Variants in MLIP observed in about 807,000 individuals in gnomAD.
MLIP encodes muscular LMNA-interacting protein.
MLIP carries 79 observed loss-of-function variants against 84.8 expected under a neutral mutation model. The observed-to-expected ratio is 0.93, with a 90% confidence interval of 0.78 to 1.12. MLIP has a LOEUF of 1.12. Ranked by LOEUF, MLIP falls within the 50% of genes most tolerant of loss-of-function variation. The pLI, the probability that MLIP is intolerant of heterozygous loss-of-function variation, is 0.00. For synonymous variants in MLIP, 504 were observed against 463.0 expected (o/e 1.09, Z -1.14); for missense variants, 1,257 against 1,160.6 (o/e 1.08, Z -1.21).
At chr6:54,113,899 C>T (rs1769686937) in intron 1 of MLIP, among the ~76,000 whole-genome samples, 1 of 152,120 alleles carries the variant, frequency 6.6e-6, no homozygotes, top group African/African-American at 2.4e-5. Context: ...CTACTCTCAC[C>T]AGTACCCTTA....
At chr6:54,130,226 A>G in intron 3 of MLIP, among the ~76,000 whole-genome samples, 1 of 152,134 alleles carries the variant, frequency 6.6e-6, no homozygotes, top group East Asian at 1.9e-4. Flanking sequence ...TTAACCAGGT[A>G]CAAAGGAAGA....
At chr6:54,201,652 T>A (rs569971820) in intron 10 of MLIP, among the ~76,000 whole-genome samples, 1 of 152,316 alleles carries the variant, frequency 6.6e-6, no homozygotes, top group South Asian at 2.1e-4. Flanking sequence ...GAACATGGCA[T>A]CTGGGGGCCC....
intron 4 of MLIP, 103 bp downstream of exon 4, chr6:54,138,389 C>T (rs1772009989): frequency 2.3e-6 from 3 of 1,324,240 alleles, no homozygotes; most frequent in South Asian, 1.6e-5. Context: ...TAATTGTACT[C>T]CTACAAGGAG....
intron 8 of MLIP, among the ~76,000 whole-genome samples, chr6:54,165,260 CT>C (rs1203173283): frequency 2.0e-5 from 3 of 151,916 alleles, no homozygotes. Context: ...CCTCTCCACC[CT>C]GGTGACCCTG....
chr6:54,115,009 A>AGAATGTGG (rs1272572362), intron 1 of MLIP, among the ~76,000 whole-genome samples: 1 of 152,158 alleles, frequency 6.6e-6, no homozygotes, highest in African/African-American at 2.4e-5. Context: ...GCTCCAAGTG[A>AGAATGTGG]GAATGTGGGA....
rs545992427 is a variant in MLIP at position 54,068,260 on chromosome 6, C to T, written c.63+49169C>T. ...TAAGCAATTCTCCTGCCTCAGCCTC[C>T]TGAGTAGCTGGGATTACAGGAACCG... On this transcript the variant is annotated intron_variant, in intron 1 of 12. Coordinates refer to the MLIP transcript ENST00000274897. Among the ~76,000 whole-genome samples the T allele has an allele frequency of 4.1e-5, 4 of 96,616 alleles. 1 individual carries two copies. The highest frequency in any genetic ancestry group is 8.9e-5 in the Non-Finnish European group (3 of 33,694). The allele number at this position is 96,616 out of a possible 152,430, so 63.4% of individuals were successfully genotyped here.
chr6:54,212,470 T>A (rs1779526252), intron 11 of MLIP, among the ~76,000 whole-genome samples: 1 of 152,180 alleles, frequency 6.6e-6, no homozygotes, highest in Non-Finnish European at 1.5e-5. Context: ...AGTCTTAATT[T>A]ATTGTTTAAG....
At chr6:54,169,722 C>T in intron 9 of MLIP, 150 bp downstream of exon 9, 1 of 444,012 alleles carries the variant, frequency 2.3e-6, no homozygotes, top group African/African-American at 2.1e-5. Context: ...TACAGAAAAT[C>T]AGGTTATGTC....
intron 1 of MLIP, among the ~76,000 whole-genome samples, chr6:54,043,185 C>T (rs1426544444): frequency 6.6e-6 from 1 of 152,176 alleles, no homozygotes; most frequent in Admixed American, 6.5e-5. Context: ...CAAGTTCTCC[C>T]AAAGAACTTG....
At chr6:54,027,438 G>A (rs142506329) in intron 1 of MLIP, among the ~76,000 whole-genome samples, 2 of 150,986 alleles carry the variant, frequency 1.3e-5, no homozygotes, top group East Asian at 3.9e-4. Flanking sequence ...CATAAAATCT[G>A]TGTGTTAAAT....
intron 1 of MLIP, among the ~76,000 whole-genome samples, chr6:54,093,318 AT>A (rs1425169271): frequency 7.9e-6 from 1 of 127,282 alleles, no homozygotes; most frequent in African/African-American, 2.9e-5. Context: ...TTATTAATAT[AT>A]TTTCGATTAA....
At chr6:54,086,833 ATCT>A (rs1177623646) in intron 1 of MLIP, among the ~76,000 whole-genome samples, 3 of 151,996 alleles carry the variant, frequency 2.0e-5, no homozygotes, top group Non-Finnish European at 2.9e-5. Context: ...ACTTCCTTAA[ATCT>A]TCTTCTTAAA....
intron 10 of MLIP, among the ~76,000 whole-genome samples, chr6:54,193,893 G>C (rs1466041097): frequency 6.6e-6 from 1 of 152,054 alleles, no homozygotes; most frequent in African/African-American, 2.4e-5. Flanking sequence ...CCCTGCATAA[G>C]ATAACACACA....
At position 54,149,069 on chromosome 6, in the gene MLIP, A is replaced by T; in HGVS notation, c.2231A>T (p.Lys744Met). The change falls in exon 5 of 14, where the codon AAG becomes ATG. Residue 744 changes from lysine (K) to methionine (M), a missense_variant. Physicochemically the swap from Lys to Met is moderately conservative, Grantham distance 95. Coordinates refer to ENST00000502396, the MANE Select transcript of MLIP (RefSeq NM_001281747.2). ...ENKKSKQYKTKSSYKAFAAIP... is the reference protein window; with the variant it reads ...ENKKSKQYKTMSSYKAFAAIP... ...TGCCCATTCTAGCAATACAAGACCA[A>T]GTCAAGCTACAAGGCTTTTGCAGCA... is the stretch of plus-strand genomic sequence containing the variant. 6.2e-7 allele frequency: 1 copy of T among 1,612,928 alleles called. No homozygotes were observed. The highest frequency in any genetic ancestry group is 1.3e-5 in the African/African-American group (1 of 74,978).
chr6:54,052,611 T>C (rs1341201902), intron 1 of MLIP, among the ~76,000 whole-genome samples: 1 of 152,214 alleles, frequency 6.6e-6, no homozygotes. Context: ...TTATATAGTG[T>C]CCTAACAATC....
intron 1 of MLIP, among the ~76,000 whole-genome samples, chr6:54,062,827 C>A (rs1766041099): frequency 6.6e-6 from 1 of 152,142 alleles, no homozygotes; most frequent in African/African-American, 2.4e-5. Flanking sequence ...GGACAGAGAT[C>A]AAGTCGAGTG....
At chr6:54,187,193 T>C (rs1273984078) in intron 9 of MLIP, among the ~76,000 whole-genome samples, 3 of 152,104 alleles carry the variant, frequency 2.0e-5, no homozygotes, top group Non-Finnish European at 4.4e-5. Flanking sequence ...TGGTAACTGG[T>C]CCAGAACCTG....
intron 11 of MLIP, among the ~76,000 whole-genome samples, chr6:54,224,361 A>G (rs1780429106): frequency 6.6e-6 from 1 of 152,010 alleles, no homozygotes; most frequent in Non-Finnish European, 1.5e-5. Flanking sequence ...ACTTTATAGC[A>G]AAAATACCTA....
At position 54,138,281 on chromosome 6, in the gene MLIP, T is replaced by C. The variant is rs1160349595; in HGVS notation, c.2212T>C (p.Ser738Pro). 1.3e-6 allele frequency: 2 copies of C among 1,532,040 alleles called. No homozygotes were observed. The highest frequency in any genetic ancestry group is 1.4e-5 in the African/African-American group (1 of 72,866). The allele number at this position is 1,532,040 out of a possible 1,614,324, so 94.9% of individuals were successfully genotyped here. Residue 738 changes from serine to proline, a missense_variant, in exon 4 of 14, where the codon TCA becomes CCA. Physicochemically the swap from Ser to Pro is moderately conservative, Grantham distance 74. Coordinates refer to ENST00000502396, the MANE Select transcript of MLIP (RefSeq NM_001281747.2). The stretch of plus-strand genomic sequence containing the variant: ...GTCAACAGGCCCAGAAAATAAGAAA[T>C]CAAAGGTATTTTTTGCATGTTGCAT... ...SMSTGPENKK[S>P]KQYKTKSSYK...
Sources: allele counts gnomAD v4.1 joint callset (sites outside exome capture counted in the v4.1 genomes callset), GRCh38; gene constraint gnomAD v4.1.1; transcripts MANE v1.5; gene names NCBI Gene and HGNC (gene_info 2026-07-23, HGNC 2026-07-21).